NDRG4: variants seen among roughly 807,000 people sequenced by gnomAD.
NDRG4 encodes protein NDRG4.
NDRG4 carries 38 observed loss-of-function variants against 55.8 expected under a neutral mutation model. The ratio of observed to expected loss-of-function variants is 0.68; its 90% CI spans 0.53 to 0.89. NDRG4 has a LOEUF of 0.89. Among genes scored for constraint, NDRG4 ranks in the 40% least tolerant of loss-of-function variants. The probability of loss-of-function intolerance (pLI) is 0.00; values close to 1 mark genes in which losing one functional copy is unlikely to be tolerated. For missense variants in NDRG4, 455 were observed against 468.6 expected (o/e 0.97, Z 0.27); for synonymous variants, 190 against 182.7 (o/e 1.04, Z -0.32).
intron 1 of NDRG4, among the ~76,000 whole-genome samples, chr16:58,478,697 G>GTTTTTTTTTTTTTTTTTT (rs59525801): frequency 1.7e-4 from 24 of 137,690 alleles, no homozygotes; most frequent in Non-Finnish European, 2.8e-4. Context: ...TTTGTTTTTT[G>GTTTTTTTTTTTTTTTTTT]TTTTTTTTTT....
In NDRG4 at chr16:58,500,189, C is replaced by G; in HGVS notation, c.-60C>G. 1 of 1,536,002 alleles carries G rather than the reference C, an allele frequency of 6.5e-7. No homozygotes were observed. The highest frequency in any genetic ancestry group is 2.0e-5 in the Admixed American group (1 of 50,994). ...TCGAGCTGCCCCCGCCCTCTGGACC[C>G]GAGTGACTCAGGCCTTTGTTTGTCC... On this transcript the variant is annotated 5_prime_UTR_variant, in exon 1 of 15. Transcript: ENST00000570248.
chr16:58,471,269 C>T (rs898110672), intron 1 of NDRG4, among the ~76,000 whole-genome samples: 3 of 137,942 alleles, frequency 2.2e-5, no homozygotes, highest in Admixed American at 8.1e-5. Flanking sequence ...ATGACCTCGG[C>T]GTGAATGTGT....
Position 58,464,584 on chromosome 16 carries a change from C to T in NDRG4, c.-24+787C>T, listed in dbSNP as rs542582763. The T allele has an allele frequency of 3.0e-5, 31 of 1,031,992 alleles. No homozygotes were observed. In the South Asian group the frequency reaches 9.0e-4, roughly 30 times the overall value. The allele number at this position is 1,031,992 out of a possible 1,614,324, so 63.9% of individuals were successfully genotyped here. A position where few individuals can be genotyped will look rare whatever the true frequency, so the allele number is the denominator to read the frequency against. On this transcript the variant is annotated intron_variant, in intron 1 of 15. Transcript: ENST00000258187. The surrounding 1 kb of genome is among the most constrained non-coding windows in gnomAD (Gnocchi z 4.8). Reference sequence around the variant, plus strand: ...GAGCAGGAAGGGGTGCGGACCCCAACTAAGTCCTAGTTTTGTGCTACCTGT... The same window carrying T: ...GAGCAGGAAGGGGTGCGGACCCCAATTAAGTCCTAGTTTTGTGCTACCTGT...
intron 1 of NDRG4, 77 bp downstream of exon 1, chr16:58,500,346 G>A: frequency 6.6e-7 from 1 of 1,505,526 alleles, no homozygotes; most frequent in Non-Finnish European, 8.9e-7. Context: ...GGGAGGAAGT[G>A]CCCCCCTCAA....
chr16:58,490,998 C>T (rs761416744), intron 2 of NDRG4, among the ~76,000 whole-genome samples: 6 of 150,544 alleles, frequency 4.0e-5, no homozygotes, highest in Admixed American at 1.3e-4. Context: ...AAAAGCCGGC[C>T]GGGCATGGTG....
At chr16:58,491,398 C>A (rs756074054) in intron 2 of NDRG4, among the ~76,000 whole-genome samples, 1 of 152,156 alleles carries the variant, frequency 6.6e-6, no homozygotes, top group Non-Finnish European at 1.5e-5. Context: ...CAGGCTGTGG[C>A]GCTCACAGAC....
chr16:58,485,251 G>A (rs539129322), intron 1 of NDRG4, among the ~76,000 whole-genome samples: 3 of 152,126 alleles, frequency 2.0e-5, no homozygotes, highest in Non-Finnish European at 4.4e-5. Flanking sequence ...CGTCTTTCTT[G>A]TGGAGCCCCA....
At position 58,464,419 on chromosome 16, in the gene NDRG4, C is replaced by G; in HGVS notation, c.-24+622C>G. On this transcript the variant is annotated intron_variant, in intron 1 of 15. Coordinates refer to the NDRG4 transcript ENST00000258187. The surrounding 1 kb of genome is among the most constrained non-coding windows in gnomAD (Gnocchi z 4.8). ...CGCCGCCACCCAGAGCCGGGCCGCG[C>G]CGGGCGCCGAGATGAAGGTGCTGGG... is the stretch of plus-strand genomic sequence containing the variant. 1 of 1,368,994 alleles carries G rather than the reference C, an allele frequency of 7.3e-7. No homozygotes were observed. The highest frequency in any genetic ancestry group is 1.8e-5 in the South Asian group (1 of 56,670). 84.8% of individuals were successfully genotyped at this position (1,368,994 alleles called of 1,614,324 possible).
chr16:58,469,555 A>G (rs2032365852), intron 1 of NDRG4, among the ~76,000 whole-genome samples: 1 of 152,208 alleles, frequency 6.6e-6, no homozygotes, highest in African/African-American at 2.4e-5. Flanking sequence ...TTATCCCTTC[A>G]TTGTTTATAG....
chr16:58,472,518 G>A (rs2033015870), intron 1 of NDRG4, among the ~76,000 whole-genome samples: 1 of 152,192 alleles, frequency 6.6e-6, no homozygotes, highest in Admixed American at 6.5e-5. Context: ...GCCAAAGGGA[G>A]AGGCGGGATG....
chr16:58,505,778 G>A (rs989300000), intron 5 of NDRG4, among the ~76,000 whole-genome samples: 1 of 129,688 alleles, frequency 7.7e-6, no homozygotes, highest in African/African-American at 3.1e-5. Flanking sequence ...CTGGAGTGCA[G>A]TGGCATGATC....
At chr16:58,487,303 T>A (rs1225842901) in intron 1 of NDRG4, among the ~76,000 whole-genome samples, 1 of 152,152 alleles carries the variant, frequency 6.6e-6, no homozygotes, top group African/African-American at 2.4e-5. Flanking sequence ...GGTGGATCAC[T>A]TGAGGTCAGG....
chr16:58,505,970 C>T, intron 5 of NDRG4: 1 of 317,290 alleles, frequency 3.2e-6, no homozygotes, highest in South Asian at 2.6e-5. Context: ...GATCAGCCCG[C>T]CTTGGCCTCC....
At chr16:58,484,628 C>T (rs572819882) in intron 1 of NDRG4, among the ~76,000 whole-genome samples, 135 of 152,336 alleles carry the variant, frequency 8.9e-4, no homozygotes, top group African/African-American at 3.1e-3. Context: ...GGTCCCTGCA[C>T]ACGCGTCTCC....
rs911669175 is a variant in NDRG4 at position 58,484,751 on chromosome 16, C to T, written c.-23-3005C>T. On this transcript the variant is annotated intron_variant, in intron 1 of 15. Coordinates refer to the NDRG4 transcript ENST00000258187. Reference sequence around the variant, plus strand: ...TGGAAGGGAAAGAGCCATTGCTGGCCACTTCATAGACCCTGGCGTTCGCCC... The same window carrying T: ...TGGAAGGGAAAGAGCCATTGCTGGCTACTTCATAGACCCTGGCGTTCGCCC... 2.0e-5 allele frequency among the ~76,000 whole-genome samples: 3 copies of T among 152,070 alleles called. No individual in the cohort carries two copies. The South Asian group carries it at 6.2e-4, about 31-fold the overall frequency.
chr16:58,506,842 C>A, intron 7 of NDRG4, 70 bp from the exon 8 acceptor site: 1 of 1,439,668 alleles, frequency 6.9e-7, no homozygotes, highest in Non-Finnish European at 9.7e-7. Context: ...GTGACATCTG[C>A]CAGCCCCCTC....
rs1216136329 is a variant in NDRG4 at position 58,495,043 on chromosome 16, T to G, written c.117+35T>G. 3.7e-6 allele frequency: 6 copies of G among 1,608,962 alleles called. No individual in the cohort carries two copies. In the South Asian group the frequency reaches 5.5e-5, roughly 15 times the overall value. On this transcript the variant is annotated intron_variant, in intron 3 of 15. Transcript: ENST00000258187. Reference sequence around the variant, plus strand: ...GGCTCAGACCCCCAAGATGTGGGACTGACAGCTGGCAGCCCCTCACCCCAC... The same window carrying G: ...GGCTCAGACCCCCAAGATGTGGGACGGACAGCTGGCAGCCCCTCACCCCAC...
chr16:58,508,859 C>T, intron 10 of NDRG4, 103 bp from the exon 11 acceptor site: 8 of 1,315,590 alleles, frequency 6.1e-6, no homozygotes, highest in Non-Finnish European at 8.6e-6. Flanking sequence ...CCTCTGCCTC[C>T]CTGCACCCCC....
chr16:58,505,087 C>T (rs576068099), intron 5 of NDRG4, among the ~76,000 whole-genome samples: 2 of 152,278 alleles, frequency 1.3e-5, no homozygotes, highest in South Asian at 4.1e-4. Context: ...CGGTGGCTCA[C>T]ACCTGTAATC....
Sources: gnomAD v4.1 joint callset for allele counts (sites outside exome capture counted in the v4.1 genomes callset) on GRCh38, gnomAD v4.1.1 for gene constraint, Gnocchi (gnomAD v3.1) non-coding constraint, MANE v1.5 for transcripts, NCBI Gene and HGNC (gene_info 2026-07-23, HGNC 2026-07-21) for gene names.